Variants in PCAT7 observed in about 807,000 individuals in gnomAD.
PCAT7 encodes the protein prostate cancer associated transcript 7 (non-protein coding).
chr9:94,559,414 G>C (rs749893935), intron 2 of PCAT7, among the ~76,000 whole-genome samples: 1 of 152,170 alleles, frequency 6.6e-6, no homozygotes, highest in Non-Finnish European at 1.5e-5. Context: ...CCTGCCTCTT[G>C]ACTTGGAAAT....
rs559659069 is a variant in PCAT7, at chr9:94,571,401, C to G, written n.442-1578C>G. On this transcript the variant is annotated intron_variant and non_coding_transcript_variant, in intron 2 of 8. Coordinates refer to ENST00000647389, the Ensembl canonical transcript of PCAT7. ...CCAGGACATTATCGCAGAGAACTGGCATTAAGGCACAGAGGCCCATGGAGT... is the reference window on the plus strand; with the variant it reads ...CCAGGACATTATCGCAGAGAACTGGGATTAAGGCACAGAGGCCCATGGAGT... 3.0e-5 allele frequency: 44 copies of G among 1,469,918 alleles called. No individual in the cohort carries two copies. In the South Asian group the frequency reaches 4.6e-4, roughly 15 times the overall value. The allele number at this position is 1,469,918 out of a possible 1,614,324, so 91.1% of individuals were successfully genotyped here.
exon 3 of PCAT7, chr9:94,573,026 G>A (rs1827284815): frequency 6.6e-6 from 1 of 152,112 alleles, no homozygotes. Flanking sequence ...TGCAAGAACA[G>A]TGTTATTACC....
chr9:94,554,615 A>G (rs1826976353), upstream of PCAT7, among the ~76,000 whole-genome samples: 1 of 147,126 alleles, frequency 6.8e-6, no homozygotes, highest in South Asian at 2.5e-4. Flanking sequence ...TTTCACCACC[A>G]ACCGCAGCGA....
intron 2 of PCAT7, chr9:94,571,667 G>A: frequency 6.9e-7 from 1 of 1,452,366 alleles, no homozygotes; most frequent in Non-Finnish European, 9.3e-7. Flanking sequence ...TTTGCCAGGG[G>A]CCTGGGCTTC....
At chr9:94,555,306 G>C (rs1435045643) in exon 1 of PCAT7, 1 of 152,124 alleles carries the variant, frequency 6.6e-6, no homozygotes, top group African/African-American at 2.4e-5. Flanking sequence ...AGCGCGGCTG[G>C]AGGGGTAGGA....
At position 94,567,604 on chromosome 9, in the gene PCAT7, A is replaced by T. The variant is rs941305176; in HGVS notation, n.442-5375A>T. 11 of 560,630 alleles carry T rather than the reference A, an allele frequency of 2.0e-5. No homozygotes were observed. In the East Asian group the frequency reaches 3.1e-4, roughly 16 times the overall value. 34.7% of individuals were successfully genotyped at this position (560,630 alleles called of 1,614,324 possible). On this transcript the variant is annotated intron_variant and non_coding_transcript_variant, in intron 2 of 8. Coordinates refer to ENST00000647389, the Ensembl canonical transcript of PCAT7. ...GGGACCATATGGAGCCCACACAGGA[A>T]GCTCTAGCAGTAACACAGCAAGCAG...
At chr9:94,573,708 T>G (rs1361740524) in intron 3 of PCAT7, among the ~76,000 whole-genome samples, 2 of 152,254 alleles carry the variant, frequency 1.3e-5, no homozygotes, top group Non-Finnish European at 2.9e-5. Context: ...TTATTTTATG[T>G]ATTGTTGAAT....
At chr9:94,569,322 T>C (rs879752721) in intron 2 of PCAT7, 3 of 152,270 alleles carry the variant, frequency 2.0e-5, no homozygotes, top group Admixed American at 6.5e-5. Context: ...GGTCCTCTAG[T>C]CCTGCCCGTT....
intron 1 of PCAT7, among the ~76,000 whole-genome samples, chr9:94,557,701 C>A (rs1564177261): frequency 1.3e-5 from 2 of 152,188 alleles, no homozygotes; most frequent in Non-Finnish European, 2.9e-5. Context: ...TAGATTTTTC[C>A]GTGTTGAATC....
chr9:94,574,459 G>A (rs1190628871), intron 3 of PCAT7, among the ~76,000 whole-genome samples: 1 of 151,954 alleles, frequency 6.6e-6, no homozygotes, highest in African/African-American at 2.4e-5. Flanking sequence ...TATTTTGTAA[G>A]TTGTCTCTTT....
chr9:94,558,983 C>T (rs1827051322), exon 2 of PCAT7: 1 of 1,614,024 alleles, frequency 6.2e-7, no homozygotes, highest in African/African-American at 1.3e-5. Flanking sequence ...GATATTCCTG[C>T]ACATCCTCTG....
chr9:94,566,651 G>C (rs1827193927), intron 2 of PCAT7, among the ~76,000 whole-genome samples: 1 of 152,136 alleles, frequency 6.6e-6, no homozygotes, highest in African/African-American at 2.4e-5. Flanking sequence ...CTCTAGCTCT[G>C]CTGGGTTAGG....
chr9:94,556,610 T>C (rs1827016302), intron 1 of PCAT7, among the ~76,000 whole-genome samples: 1 of 152,244 alleles, frequency 6.6e-6, no homozygotes, highest in Non-Finnish European at 1.5e-5. Flanking sequence ...GCCTGATGCA[T>C]AGTTTGCAAA....
intron 2 of PCAT7, among the ~76,000 whole-genome samples, chr9:94,561,921 T>G (rs1827111259): frequency 6.6e-6 from 1 of 152,210 alleles, no homozygotes; most frequent in Non-Finnish European, 1.5e-5. Flanking sequence ...ATGTGAGTAT[T>G]TTCTGACTCA....
At chr9:94,565,677 C>A (rs1827175729) in intron 2 of PCAT7, among the ~76,000 whole-genome samples, 1 of 109,556 alleles carries the variant, frequency 9.1e-6, no homozygotes, top group South Asian at 2.6e-4. Context: ...TCTAACTTAC[C>A]TTTGCTCTAT....
upstream of PCAT7, among the ~76,000 whole-genome samples, chr9:94,554,629 G>A (rs1826976846): frequency 6.6e-6 from 1 of 152,240 alleles, no homozygotes; most frequent in South Asian, 2.1e-4. Flanking sequence ...GCAGCGAGGC[G>A]AGCCGCGGAG....
chr9:94,564,013 G>T (rs1827149049), intron 2 of PCAT7, among the ~76,000 whole-genome samples: 1 of 152,140 alleles, frequency 6.6e-6, no homozygotes, highest in Non-Finnish European at 1.5e-5. Flanking sequence ...CCTTCAAAGA[G>T]ACTTAGACAC....
chr9:94,561,658 G>C (rs12684576), intron 2 of PCAT7, among the ~76,000 whole-genome samples: 13,349 of 152,024 alleles, frequency 0.088, 1,145 homozygotes, highest in African/African-American at 0.21. Flanking sequence ...AGCCACCGCA[G>C]CCAGCCATGA....
intron 1 of PCAT7, among the ~76,000 whole-genome samples, chr9:94,555,596 T>G (rs1826996959): frequency 3.1e-5 from 4 of 130,174 alleles, no homozygotes; most frequent in South Asian, 2.8e-4. Flanking sequence ...GGGGGGAAAA[T>G]GGGCGAGCAG....
Sources: gnomAD v4.1 joint callset for allele counts (sites outside exome capture counted in the v4.1 genomes callset) on GRCh38, gnomAD v4.1.1 for gene constraint, MANE v1.5 for transcripts, NCBI Gene and HGNC (gene_info 2026-07-23, HGNC 2026-07-21) for gene names.